Variants in CDK14 observed in about 807,000 individuals in gnomAD.
CDK14 encodes the protein cyclin-dependent kinase 14.
A neutral mutation model predicts 60.7 loss-of-function variants in CDK14; 34 were observed. The ratio of observed to expected loss-of-function variants is 0.56; its 90% confidence interval spans 0.43 to 0.75. The LOEUF is 0.75. Ranked by LOEUF, CDK14 falls within the 30% of genes least tolerant of loss-of-function variation. CDK14 has a pLI of 0.00. For missense variants in CDK14, 482 were observed against 564.1 expected, an observed-to-expected ratio of 0.85 and a Z score of 1.47; for synonymous variants, 197 against 203.7, an observed-to-expected ratio of 0.97 and a Z score of 0.28.
intron 4 of CDK14, among the ~76,000 whole-genome samples, chr7:90,758,531 TC>T (rs1233778751): frequency 1.3e-5 from 2 of 152,222 alleles, no homozygotes; most frequent in African/African-American, 4.8e-5. Context: ...ACCAAGGACT[TC>T]TGTATATTCA....
intron 14 of CDK14, among the ~76,000 whole-genome samples, chr7:91,181,758 G>A (rs1036356464): frequency 6.6e-6 from 1 of 152,088 alleles, no homozygotes; most frequent in East Asian, 1.9e-4. Context: ...GACTCTTCAA[G>A]TTTTCTTCTG....
At chr7:90,740,634 C>G (rs1231641581) in intron 3 of CDK14, among the ~76,000 whole-genome samples, 1 of 152,174 alleles carries the variant, frequency 6.6e-6, no homozygotes, top group African/African-American at 2.4e-5. Context: ...GCTTCCAAAA[C>G]TGTGAACAAA....
intron 14 of CDK14, among the ~76,000 whole-genome samples, chr7:91,197,985 T>C (rs1314762059): frequency 1.3e-5 from 2 of 152,190 alleles, no homozygotes; most frequent in African/African-American, 4.8e-5. Flanking sequence ...AGCAGCTTCG[T>C]GTTGTGAAGC....
At chr7:91,087,061 A>G (rs1273153247) in intron 12 of CDK14, among the ~76,000 whole-genome samples, 1 of 152,174 alleles carries the variant, frequency 6.6e-6, no homozygotes, top group Non-Finnish European at 1.5e-5. Context: ...AGCTGGGACT[A>G]TAAGTACCTA....
chr7:90,686,975 G>A (rs1460390833), intron 2 of CDK14, among the ~76,000 whole-genome samples: 1 of 151,906 alleles, frequency 6.6e-6, no homozygotes, highest in Non-Finnish European at 1.5e-5. Context: ...AGACCAGAGA[G>A]GAATAAAAGA....
intron 12 of CDK14, among the ~76,000 whole-genome samples, chr7:91,091,510 T>C (rs529569927): frequency 7.2e-5 from 10 of 138,784 alleles, no homozygotes; most frequent in Admixed American, 5.8e-4. Context: ...TTTATATATA[T>C]ATATATAAAT....
chr7:90,881,159 A>G (rs913965502), intron 6 of CDK14, among the ~76,000 whole-genome samples: 2 of 152,206 alleles, frequency 1.3e-5, no homozygotes, highest in African/African-American at 2.4e-5. Context: ...CTAAAGGAGC[A>G]TATTCTAACC....
At chr7:91,148,693 C>T (rs62470817) in intron 14 of CDK14, among the ~76,000 whole-genome samples, 37 of 152,140 alleles carry the variant, frequency 2.4e-4, no homozygotes, top group Non-Finnish European at 4.6e-4. Flanking sequence ...GTCAGGCACA[C>T]CCAGGAGTCC....
intron 2 of CDK14, among the ~76,000 whole-genome samples, chr7:90,621,495 A>T (rs2116371910): frequency 6.6e-6 from 1 of 152,254 alleles, no homozygotes; most frequent in East Asian, 1.9e-4. Context: ...TCTGAATCTC[A>T]TTCTTTCAGA....
chr7:90,600,911 T>C (rs974831851), intron 1 of CDK14, among the ~76,000 whole-genome samples: 4 of 152,228 alleles, frequency 2.6e-5, no homozygotes, highest in Non-Finnish European at 5.9e-5. Flanking sequence ...ACTGTAGATA[T>C]TGTTCTGACA....
intron 10 of CDK14, among the ~76,000 whole-genome samples, chr7:91,027,662 T>C (rs2115910895): frequency 6.6e-6 from 1 of 151,970 alleles, no homozygotes; most frequent in South Asian, 2.1e-4. Context: ...TTTGTTGCTG[T>C]TGTTGTTTTT....
At position 91,052,584 on chromosome 7, in the gene CDK14, A is replaced by T. The variant is rs370026188; in HGVS notation, c.1105+6624A>T. Reference sequence around the variant, plus strand: ...TTCATCTCTCAAATGCTTCCAACAAAAGGGAAAGGTACATTCAAAAACTAT... The same window carrying T: ...TTCATCTCTCAAATGCTTCCAACAATAGGGAAAGGTACATTCAAAAACTAT... On this transcript the variant is annotated intron_variant, in intron 11 of 14. Coordinates refer to ENST00000380050, the MANE Select transcript of CDK14 (RefSeq NM_001287135.2). Among the ~76,000 whole-genome samples, 191 of 152,328 alleles carry T rather than the reference A, an allele frequency of 1.3e-3. 1 individual carries two copies. Among genetic ancestry groups the T allele is most frequent in the African/African-American group, 4.3e-3 (180 of 41,564 alleles).
At chr7:90,700,218 C>T (rs980328765) in intron 2 of CDK14, among the ~76,000 whole-genome samples, 12 of 152,112 alleles carry the variant, frequency 7.9e-5, no homozygotes, top group South Asian at 2.1e-4. Flanking sequence ...CTTAGCCTCC[C>T]GAGTAGCTGG....
intron 4 of CDK14, among the ~76,000 whole-genome samples, chr7:90,785,614 T>C (rs1336709897): frequency 6.6e-6 from 1 of 151,780 alleles, no homozygotes; most frequent in Non-Finnish European, 1.5e-5. Context: ...TGAAAACCCA[T>C]CTCTACTAAA....
intron 12 of CDK14, among the ~76,000 whole-genome samples, chr7:91,086,085 G>T (rs574643484): frequency 2.0e-5 from 3 of 152,160 alleles, no homozygotes. Context: ...TTAAATGCTC[G>T]TCAGTGTAAT....
intron 2 of CDK14, among the ~76,000 whole-genome samples, chr7:90,613,731 G>A (rs1310579903): frequency 6.6e-6 from 1 of 152,008 alleles, no homozygotes; most frequent in Non-Finnish European, 1.5e-5. Context: ...TTTGACGTAG[G>A]AAGTCTTTCT....
At chr7:90,999,458 G>A (rs1232222297) in intron 10 of CDK14, among the ~76,000 whole-genome samples, 3 of 151,750 alleles carry the variant, frequency 2.0e-5, no homozygotes, top group African/African-American at 7.3e-5. Flanking sequence ...GCATGGTGGC[G>A]TGTGCCTGTA....
chr7:90,775,628 C>CCTCCCCCTTCCCCTCCCCCTTCCG, intron 4 of CDK14, among the ~76,000 whole-genome samples: 2 of 96,726 alleles, frequency 2.1e-5, no homozygotes, highest in African/African-American at 7.0e-5. Flanking sequence ...TCCTCCTCCC[C>CCTCCCCCTTCCCCTCCCCCTTCCG]CTCCCCCTTC....
At chr7:90,858,516 T>A (rs1790900700) in intron 5 of CDK14, among the ~76,000 whole-genome samples, 1 of 152,218 alleles carries the variant, frequency 6.6e-6, no homozygotes, top group Non-Finnish European at 1.5e-5. Context: ...GGTATTAACT[T>A]GAAAAATGGA....
Sources: gnomAD v4.1 joint callset for allele counts (sites outside exome capture counted in the v4.1 genomes callset) on GRCh38, gnomAD v4.1.1 for gene constraint, MANE v1.5 for transcripts, NCBI Gene and HGNC (gene_info 2026-07-23, HGNC 2026-07-21) for gene names.